Variants in CD109 observed in about 807,000 individuals in gnomAD.
CD109 encodes the protein CD109 molecule.
CD109 carries 149 observed loss-of-function variants against 165.8 expected under a neutral mutation model. That is an observed-to-expected ratio of 0.90 (90% CI 0.79 to 1.03). The LOEUF is 1.03. CD109 is among the 50% of genes least tolerant of loss of function. CD109 has a pLI of 0.00. For synonymous variants in CD109, 585 were observed against 592.1 expected (o/e 0.99, Z 0.18); for missense variants, 1,712 against 1,677.8 (o/e 1.02, Z -0.36).
Position 73,723,294 on chromosome 6 carries a change from A to T in CD109, c.276+15A>T. ...CTCTTCCATCAGTAAGTATCCATTT[A>T]AAAAATTTGGTTTCAGAAATATATT... On this transcript the variant is annotated intron_variant, in intron 3 of 32. Transcript: ENST00000287097. 6.2e-7 allele frequency: 1 copy of T among 1,605,152 alleles called. No homozygotes were observed.
chr6:73,738,461 G>A (rs1772629535), intron 5 of CD109, among the ~76,000 whole-genome samples: 1 of 152,192 alleles, frequency 6.6e-6, no homozygotes, highest in Admixed American at 6.5e-5. Context: ...GTTTTAGCTG[G>A]ATAACAGGCG....
intron 15 of CD109, among the ~76,000 whole-genome samples, chr6:73,777,522 C>G (rs772054153): frequency 6.6e-6 from 1 of 152,114 alleles, no homozygotes; most frequent in Non-Finnish European, 1.5e-5. Flanking sequence ...CCTAGGTTGT[C>G]TTCCAGGGTT....
At chr6:73,706,466 T>C (rs1304407091) in intron 2 of CD109, among the ~76,000 whole-genome samples, 1 of 152,230 alleles carries the variant, frequency 6.6e-6, no homozygotes, top group Admixed American at 6.5e-5. Flanking sequence ...AGTTACTTTA[T>C]TACTGCCATG....
At chr6:73,682,228 A>G in the CD109 span, among the ~76,000 whole-genome samples, 1 of 152,182 alleles carries the variant, frequency 6.6e-6, no homozygotes, top group Non-Finnish European at 1.5e-5. Context: ...TGAACCTGTA[A>G]AATCAAAAGC....
At chr6:73,684,214 G>T in the CD109 span, among the ~76,000 whole-genome samples, 102 of 147,454 alleles carry the variant, frequency 6.9e-4, no homozygotes, top group African/African-American at 2.4e-3. Context: ...TTCTTTTGTC[G>T]TTCTTTCTTT....
chr6:73,783,636 T>G, intron 18 of CD109, 71 bp from the exon 19 acceptor site: 1 of 861,736 alleles, frequency 1.2e-6, no homozygotes, highest in Non-Finnish European at 1.9e-6. Flanking sequence ...ATAGTTTAGA[T>G]TATTTTGGCT....
chr6:73,788,454 AT>A lies in CD109; in HGVS notation c.2557-7del, dbSNP rs767352449. The A allele has an allele frequency of 6.2e-7, 1 of 1,606,696 alleles. No individual in the cohort carries two copies. The highest frequency in any genetic ancestry group is 1.3e-5 in the African/African-American group (1 of 74,436). On this transcript the variant is annotated splice_polypyrimidine_tract_variant and intron_variant, in intron 21 of 32. Coordinates refer to ENST00000287097, the MANE Select transcript of CD109 (RefSeq NM_133493.5). ...AGTAGAGACCATGTTAATTGTGTTC[AT>A]TTTTTTCAACAGGCTGAAGGAATAG...
chr6:73,743,569 G>T (rs1028962038), intron 5 of CD109, among the ~76,000 whole-genome samples: 1 of 152,108 alleles, frequency 6.6e-6, no homozygotes, highest in African/African-American at 2.4e-5. Context: ...TTCTGGACTT[G>T]TTGTCCAGCC....
chr6:73,793,578 T>G (rs1292758503), intron 23 of CD109, among the ~76,000 whole-genome samples: 1 of 152,240 alleles, frequency 6.6e-6, no homozygotes, highest in South Asian at 2.1e-4. Flanking sequence ...CAGGGTCATA[T>G]AGTCATACAG....
At chr6:73,695,376 A>T (rs544455951), upstream of CD109, 1 of 152,368 alleles carries the variant, frequency 6.6e-6, no homozygotes, top group South Asian at 2.1e-4. Context: ...CTTCATTCTG[A>T]CAGGAGAGCC....
rs577529474 is a variant in CD109, at chr6:73,699,339, G to A, written c.247+1767G>A. ...TTTTACCTATATAACAAACCTGCACGTGTATCCCTGAAACTAAAATAAAAG... is the reference window on the plus strand; with the variant it reads ...TTTTACCTATATAACAAACCTGCACATGTATCCCTGAAACTAAAATAAAAG... On this transcript the variant is annotated intron_variant, in intron 2 of 32. Coordinates refer to ENST00000287097, the MANE Select transcript of CD109 (RefSeq NM_133493.5). Among the ~76,000 whole-genome samples, 3 of 151,910 alleles carry A rather than the reference G, an allele frequency of 2.0e-5. No individual in the cohort carries two copies. The East Asian group carries it at 5.8e-4, about 29-fold the overall frequency.
chr6:73,691,706 C>CCA (rs1770695471), upstream of CD109, among the ~76,000 whole-genome samples: 1 of 152,154 alleles, frequency 6.6e-6, no homozygotes, highest in African/African-American at 2.4e-5. Context: ...ATGCTGCACA[C>CCA]CACACACAGG....
chr6:73,805,293 G>A (rs1033180615), intron 24 of CD109, among the ~76,000 whole-genome samples: 1 of 152,188 alleles, frequency 6.6e-6, no homozygotes, highest in Non-Finnish European at 1.5e-5. Flanking sequence ...TCTGAAACAT[G>A]TGCTGTGTCA....
intron 26 of CD109, among the ~76,000 whole-genome samples, chr6:73,808,950 T>A (rs969486656): frequency 2.0e-5 from 3 of 152,034 alleles, no homozygotes; most frequent in Non-Finnish European, 4.4e-5. Context: ...GTTTAGAGGC[T>A]TCTGAGACTG....
chr6:73,789,594 C>T (rs1290845660), intron 22 of CD109, among the ~76,000 whole-genome samples: 2 of 150,776 alleles, frequency 1.3e-5, no homozygotes, highest in Non-Finnish European at 2.9e-5. Context: ...GTTGGGACTA[C>T]AGGCACCCGC....
At chr6:73,783,207 A>G (rs1774570589) in intron 18 of CD109, among the ~76,000 whole-genome samples, 1 of 152,222 alleles carries the variant, frequency 6.6e-6, no homozygotes, top group South Asian at 2.1e-4. Flanking sequence ...AGCTTGGCTG[A>G]TAAACCCCGT....
At chr6:73,701,949 A>G (rs1396240116) in intron 2 of CD109, among the ~76,000 whole-genome samples, 2 of 151,716 alleles carry the variant, frequency 1.3e-5, no homozygotes, top group Non-Finnish European at 1.5e-5. Context: ...AAAACCAAAA[A>G]CTCCCAAAAA....
chr6:73,821,199 C>A (rs547017376), intron 32 of CD109, among the ~76,000 whole-genome samples: 1 of 152,196 alleles, frequency 6.6e-6, no homozygotes, highest in East Asian at 1.9e-4. Flanking sequence ...AGGAGTTATA[C>A]CTAATGTAAA....
chr6:73,754,542 G>A (rs750629005), intron 5 of CD109, among the ~76,000 whole-genome samples: 1 of 152,168 alleles, frequency 6.6e-6, no homozygotes, highest in Non-Finnish European at 1.5e-5. Context: ...CTACTTATGT[G>A]TTAAACAAAT....
Sources: gnomAD v4.1 joint callset for allele counts (sites outside exome capture counted in the v4.1 genomes callset) on GRCh38, gnomAD v4.1.1 for gene constraint, MANE v1.5 for transcripts, NCBI Gene and HGNC (gene_info 2026-07-23, HGNC 2026-07-21) for gene names.